The following ORC3 variants were observed in gnomAD, a reference collection of about 807,000 sequenced individuals.
ORC3 encodes origin recognition complex subunit 3, also known as homolog of latheo, Drosophila.
A neutral mutation model predicts 100.7 loss-of-function variants in ORC3; 78 were observed. The ratio of observed to expected loss-of-function variants is 0.77; its 90% CI spans 0.65 to 0.94. The LOEUF is 0.94. Among genes scored for constraint, ORC3 ranks in the 40% least tolerant of loss-of-function variants. ORC3 has a pLI of 0.00. For missense variants in ORC3, 789 were observed against 823.9 expected, an observed-to-expected ratio of 0.96 and a Z score of 0.52; for synonymous variants, 295 against 289.3, an observed-to-expected ratio of 1.02 and a Z score of -0.20.
chr6:87,658,916 T>C (rs1769937283), intron 16 of ORC3, among the ~76,000 whole-genome samples: 2 of 150,010 alleles, frequency 1.3e-5, no homozygotes, highest in South Asian at 2.1e-4. Context: ...GTCAGCTTTA[T>C]GTAGCCGTGT....
chr6:87,677,433 A>C, the ORC3 span, among the ~76,000 whole-genome samples: 1 of 152,188 alleles, frequency 6.6e-6, no homozygotes. Context: ...TTGATAACTA[A>C]AACAGGACTC....
chr6:87,612,664 T>G (rs1778865944), intron 8 of ORC3, among the ~76,000 whole-genome samples: 1 of 152,196 alleles, frequency 6.6e-6, no homozygotes, highest in Non-Finnish European at 1.5e-5. Context: ...CAGGCTGGAG[T>G]GCAGTGACGA....
At position 87,607,659 on chromosome 6, in the gene ORC3, T is replaced by G. The variant is rs765293848; in HGVS notation, c.428-14T>G. 1.3e-6 allele frequency: 2 copies of G among 1,570,904 alleles called. No individual in the cohort carries two copies. The highest frequency in any genetic ancestry group is 1.7e-6 in the Non-Finnish European group (2 of 1,160,514). On this transcript the variant is annotated splice_polypyrimidine_tract_variant and intron_variant, in intron 5 of 19. Transcript: ENST00000392844. Reference sequence around the variant, plus strand: ...GAGGCAGAGATAAGCTTTCTTACTTTTTATATTCCACAGATATGAAACATT... The same window carrying G: ...GAGGCAGAGATAAGCTTTCTTACTTGTTATATTCCACAGATATGAAACATT...
intron 13 of ORC3, among the ~76,000 whole-genome samples, chr6:87,641,505 C>A (rs1002826901): frequency 1.7e-4 from 26 of 152,306 alleles, no homozygotes; most frequent in Admixed American, 1.6e-3. Context: ...CCCTCCTCCC[C>A]CATCCTGACA....
chr6:87,606,134 C>T (rs1778323524), intron 5 of ORC3, 113 bp downstream of exon 5: 1 of 646,688 alleles, frequency 1.5e-6, no homozygotes, highest in Admixed American at 2.6e-5. Context: ...GAACACAGTG[C>T]TATGTTTTAG....
chr6:87,609,329 T>TA, intron 7 of ORC3, 100 bp downstream of exon 7: 1 of 770,844 alleles, frequency 1.3e-6, no homozygotes, highest in Non-Finnish European at 2.0e-6. Flanking sequence ...ACCAACTGGA[T>TA]AAAAATCAAA....
the ORC3 span, among the ~76,000 whole-genome samples, chr6:87,673,609 G>A: frequency 1.6e-4 from 24 of 151,884 alleles, no homozygotes; most frequent in Non-Finnish European, 3.1e-4. Flanking sequence ...TTGGGAGGCT[G>A]AGGCAGGCAG....
Position 87,640,263 on chromosome 6 carries a change from T to TTTACAG in ORC3, c.1382+3779_1382+3784dup, listed in dbSNP as rs369761900. Among the ~76,000 whole-genome samples, 431 of 152,326 alleles carry TTTACAG rather than the reference T, an allele frequency of 2.8e-3. 2 individuals carry two copies. Among genetic ancestry groups the TTTACAG allele is most frequent in the African/African-American group, 9.6e-3 (400 of 41,582 alleles). ...ATATCTGGTGACCATTTAAAACATATTTACAGTGACTTTGTAATAATGTGG... is the reference window on the plus strand; with the variant it reads ...ATATCTGGTGACCATTTAAAACATATTTACAGTTACAGTGACTTTGTAATAATGTGG... On this transcript the variant is annotated intron_variant, in intron 13 of 19. Coordinates refer to ENST00000392844, the MANE Select transcript of ORC3 (RefSeq NM_012381.4).
intron 7 of ORC3, chr6:87,609,672 C>T (rs1330289286): frequency 1.3e-5 from 2 of 152,684 alleles, no homozygotes; most frequent in East Asian, 3.8e-4. Flanking sequence ...CTGCCTCAGC[C>T]TCCTGAGTAG....
intron 11 of ORC3, among the ~76,000 whole-genome samples, chr6:87,622,889 C>CCT (rs2128266276): frequency 6.6e-6 from 1 of 152,194 alleles, no homozygotes; most frequent in South Asian, 2.1e-4. Context: ...TAAGAACATG[C>CCT]CTCTTACTGA....
At chr6:87,612,533 A>T (rs1214245517) in intron 8 of ORC3, among the ~76,000 whole-genome samples, 1 of 152,202 alleles carries the variant, frequency 6.6e-6, no homozygotes, top group Non-Finnish European at 1.5e-5. Flanking sequence ...ATAGAAAATT[A>T]TAGGTTTATA....
chr6:87,657,125 A>G, intron 15 of ORC3, 143 bp downstream of exon 15: 1 of 609,476 alleles, frequency 1.6e-6, no homozygotes, highest in Non-Finnish European at 2.9e-6. Context: ...ACTCACTTCT[A>G]AGTTGAACAT....
the ORC3 span, among the ~76,000 whole-genome samples, chr6:87,677,341 A>T: frequency 1.3e-4 from 20 of 152,190 alleles, no homozygotes; most frequent in Non-Finnish European, 2.5e-4. Flanking sequence ...TATAAACAGT[A>T]AATCTGTGGC....
At chr6:87,676,724 G>A in the ORC3 span, among the ~76,000 whole-genome samples, 5 of 151,536 alleles carry the variant, frequency 3.3e-5, no homozygotes, top group Admixed American at 3.3e-4. Flanking sequence ...AGGTTGCAGT[G>A]AGCCAAGATC....
At chr6:87,640,535 A>G (rs895287310) in intron 13 of ORC3, among the ~76,000 whole-genome samples, 2 of 152,114 alleles carry the variant, frequency 1.3e-5, no homozygotes, top group Non-Finnish European at 2.9e-5. Context: ...TTAATTTTTC[A>G]CTCAACCCTG....
intron 11 of ORC3, among the ~76,000 whole-genome samples, chr6:87,623,516 T>C (rs1277907929): frequency 6.6e-6 from 1 of 152,226 alleles, no homozygotes; most frequent in African/African-American, 2.4e-5. Flanking sequence ...AAGCCAGGAA[T>C]AGATTTTTTA....
At chr6:87,620,941 C>CT (rs1779490592) in intron 9 of ORC3, among the ~76,000 whole-genome samples, 5 of 152,140 alleles carry the variant, frequency 3.3e-5, no homozygotes, top group Non-Finnish European at 7.4e-5. Context: ...ACCATTGCAG[C>CT]ATTATTTTTT....
At chr6:87,616,247 T>C (rs975760897) in intron 8 of ORC3, 67 bp from the exon 9 acceptor site, 5 of 615,660 alleles carry the variant, frequency 8.1e-6, no homozygotes, top group South Asian at 4.1e-5. Flanking sequence ...TCATTATTAA[T>C]ACTTAGTATT....
chr6:87,619,910 G>C (rs117841655), intron 9 of ORC3, among the ~76,000 whole-genome samples: 2 of 152,138 alleles, frequency 1.3e-5, no homozygotes, highest in Admixed American at 1.3e-4. Context: ...TGCCCAGGCT[G>C]GTCTCAAACT....
Sources: gnomAD v4.1 joint callset for allele counts (sites outside exome capture counted in the v4.1 genomes callset) on GRCh38, gnomAD v4.1.1 for gene constraint, MANE v1.5 for transcripts, NCBI Gene and HGNC (gene_info 2026-07-23, HGNC 2026-07-21) for gene names.